Variants in SCNN1G observed in about 807,000 individuals in gnomAD.
SCNN1G encodes sodium channel epithelial 1 subunit gamma, also known as epithelial sodium channel subunit gamma.
A neutral mutation model predicts 64.6 loss-of-function variants in SCNN1G; 27 were observed. The ratio of observed to expected loss-of-function variants is 0.42; its 90% CI spans 0.31 to 0.58. The LOEUF (loss-of-function observed/expected upper bound fraction) is 0.58. SCNN1G is among the 20% of genes least tolerant of loss of function. The pLI, the probability that SCNN1G is intolerant of heterozygous loss-of-function variation, is 0.18. For missense variants in SCNN1G, 743 were observed against 823.4 expected (o/e 0.90, Z 1.19); for synonymous variants, 330 against 314.2 (o/e 1.05, Z -0.53).
chr16:23,209,487 C>T (rs1342744438), intron 6 of SCNN1G, among the ~76,000 whole-genome samples: 1 of 152,170 alleles, frequency 6.6e-6, no homozygotes, highest in Non-Finnish European at 1.5e-5. Flanking sequence ...TATTTATTTG[C>T]TTGCTGACCA....
chr16:23,201,052 T>TCTCGAACC (rs908777771), intron 6 of SCNN1G, among the ~76,000 whole-genome samples: 1 of 152,182 alleles, frequency 6.6e-6, no homozygotes, highest in African/African-American at 2.4e-5. Flanking sequence ...GGAAAAACTA[T>TCTCGAACC]CTCGAACCCT....
intron 6 of SCNN1G, among the ~76,000 whole-genome samples, chr16:23,198,710 G>C (rs1263272513): frequency 6.6e-6 from 1 of 151,908 alleles, no homozygotes; most frequent in African/African-American, 2.4e-5. Flanking sequence ...TTGCACTCCA[G>C]TCTCGGTGAC....
Position 23,211,941 on chromosome 16 carries a change from G to A in SCNN1G, c.1177-93G>A, listed in dbSNP as rs9941215. 0.2 allele frequency: 187,610 copies of A among 948,054 alleles called. 20,134 individuals carry two copies. The highest frequency in any genetic ancestry group is 0.25 in the African/African-American group (15,468 of 62,438). 58.7% of individuals were successfully genotyped at this position (948,054 alleles called of 1,614,324 possible). A position where few individuals can be genotyped will look rare whatever the true frequency, so the allele number is the denominator to read the frequency against. ...GTTCATGTGGTTGGCCAAGGTTAAG[G>A]GAGGCTGACCCCCTGGGCTGAGGGA... On this transcript the variant is annotated intron_variant, in intron 7 of 12. Transcript: ENST00000300061.
chr16:23,210,944 G>A (rs1238715699), intron 7 of SCNN1G, among the ~76,000 whole-genome samples: 1 of 152,168 alleles, frequency 6.6e-6, no homozygotes, highest in Non-Finnish European at 1.5e-5. Context: ...AGGCTGAGGA[G>A]GGAGGATCCC....
In SCNN1G at chr16:23,215,136, G is replaced by A; in HGVS notation, c.1617G>A (p.Met539Ile). 1 of 1,614,138 alleles carries A rather than the reference G, an allele frequency of 6.2e-7. No homozygotes were observed. Among genetic ancestry groups the A allele is most frequent in the South Asian group, 1.1e-5 (1 of 91,082 alleles). ...TCGGTGGCCAGCTGGGCCTGTGGATGAGCTGCTCTGTTGTCTGCGTCATCG... is the reference window on the plus strand; with the variant it reads ...TCGGTGGCCAGCTGGGCCTGTGGATAAGCTGCTCTGTTGTCTGCGTCATCG... ...SNFGGQLGLWMSCSVVCVIEI... is the reference protein window; with the variant it reads ...SNFGGQLGLWISCSVVCVIEI... The change falls in exon 13 of 13, where the codon ATG becomes ATA. Residue 539 changes from methionine (M) to isoleucine (I), a missense_variant. Met to Ile is a conservative substitution (Grantham distance 10). Transcript: ENST00000300061.
chr16:23,211,262 C>T (rs565609800), intron 7 of SCNN1G, among the ~76,000 whole-genome samples: 1 of 152,330 alleles, frequency 6.6e-6, no homozygotes, highest in East Asian at 1.9e-4. Context: ...AGTAGCCTGC[C>T]TTCAGGAACT....
At chr16:23,185,558 A>T (rs957968972) in intron 1 of SCNN1G, among the ~76,000 whole-genome samples, 1 of 152,260 alleles carries the variant, frequency 6.6e-6, no homozygotes, top group Admixed American at 6.5e-5. Flanking sequence ...CTAAGTGGCC[A>T]ATAGTTGCAG....
chr16:23,183,123 G>C (rs1282413587), intron 1 of SCNN1G, among the ~76,000 whole-genome samples: 1 of 152,260 alleles, frequency 6.6e-6, no homozygotes, highest in Non-Finnish European at 1.5e-5. Context: ...CCCCTTCCCT[G>C]CCGGGGTGAG....
chr16:23,200,462 G>T (rs1430710263), intron 6 of SCNN1G, among the ~76,000 whole-genome samples: 1 of 152,176 alleles, frequency 6.6e-6, no homozygotes, highest in African/African-American at 2.4e-5. Flanking sequence ...ATGACACAAA[G>T]TTCTAGCTAT....
intron 1 of SCNN1G, among the ~76,000 whole-genome samples, 162 bp downstream of exon 1, chr16:23,182,975 G>C (rs1005814465): frequency 6.6e-6 from 1 of 152,208 alleles, no homozygotes; most frequent in African/African-American, 2.4e-5. Flanking sequence ...CCTTGCCCGG[G>C]CGGTAGCGGC....
At chr16:23,214,812 G>T (rs753397849) in intron 12 of SCNN1G, 25 bp downstream of exon 12, 1 of 1,578,942 alleles carries the variant, frequency 6.3e-7, no homozygotes, top group Admixed American at 1.7e-5. Context: ...TTCCTTCCAG[G>T]ACCTGTCCTG....
In SCNN1G at chr16:23,216,041, A is replaced by G. The variant is rs5728; in HGVS notation, c.*572A>G. On this transcript the variant is annotated 3_prime_UTR_variant, in exon 13 of 13. Transcript: ENST00000300061. ...CTCAGGCAGCAGAGAACTGGCCCAGAGCCCTTGGAGTGTTGGTGGAGATCA... is the reference window on the plus strand; with the variant it reads ...CTCAGGCAGCAGAGAACTGGCCCAGGGCCCTTGGAGTGTTGGTGGAGATCA... 71,235 of 174,056 alleles carry G rather than the reference A, an allele frequency of 0.41. 14,991 individuals carry two copies. Among genetic ancestry groups the G allele is most frequent in the Non-Finnish European group, 0.44 (35,852 of 81,138 alleles). 10.8% of individuals were successfully genotyped at this position (174,056 alleles called of 1,614,324 possible).
intron 2 of SCNN1G, among the ~76,000 whole-genome samples, chr16:23,188,375 G>A (rs1959648497): frequency 6.6e-6 from 1 of 151,928 alleles, no homozygotes; most frequent in Non-Finnish European, 1.5e-5. Flanking sequence ...AGCCAGGTGT[G>A]ATGGCACACA....
At position 23,209,805 on chromosome 16, in the gene SCNN1G, A is replaced by G. The variant is rs1395346260; in HGVS notation, c.1133A>G (p.Asp378Gly). ...AGTCAGTGCACGGAGGACGGGAGTGACGTGCCAATCAGGAACATCTACAAC... is the reference window on the plus strand; with the variant it reads ...AGTCAGTGCACGGAGGACGGGAGTGGCGTGCCAATCAGGAACATCTACAAC... ...PYSQCTEDGS[D>G]VPIRNIYNAA... The change falls in exon 7 of 13, where the codon GAC becomes GGC. Residue 378 changes from aspartate (D) to glycine (G), a missense_variant. Coordinates refer to ENST00000300061, the MANE Select transcript of SCNN1G (RefSeq NM_001039.4). The G allele has an allele frequency of 6.2e-7, 1 of 1,614,110 alleles. No individual in the cohort carries two copies. Among genetic ancestry groups the G allele is most frequent in the South Asian group, 1.1e-5 (1 of 91,076 alleles).
At chr16:23,185,038 G>A (rs1305851205) in intron 1 of SCNN1G, among the ~76,000 whole-genome samples, 1 of 152,106 alleles carries the variant, frequency 6.6e-6, no homozygotes, top group African/African-American at 2.4e-5. Context: ...TTAGTTCTTG[G>A]TATTGTTAAT....
Position 23,192,308 on chromosome 16 carries a change from G to A in SCNN1G, c.619-44G>A, listed in dbSNP as rs369172155. 16 of 1,465,832 alleles carry A rather than the reference G, an allele frequency of 1.1e-5. No homozygotes were observed. The African/African-American group carries it at 1.1e-4, about 10-fold the overall frequency. The allele number at this position is 1,465,832 out of a possible 1,614,324, so 90.8% of individuals were successfully genotyped here. On this transcript the variant is annotated intron_variant, in intron 3 of 12. Coordinates refer to ENST00000300061, the MANE Select transcript of SCNN1G (RefSeq NM_001039.4). ...TCTTATGGTCCTTCTGAAGAGTAGC[G>A]ATAGGACCGATGGCTTCAGCCTCGC...
chr16:23,201,096 T>A (rs942605766), intron 6 of SCNN1G, among the ~76,000 whole-genome samples: 2 of 152,236 alleles, frequency 1.3e-5, no homozygotes, highest in African/African-American at 4.8e-5. Context: ...AAAAGACTTT[T>A]TTAAGAGATA....
intron 3 of SCNN1G, among the ~76,000 whole-genome samples, chr16:23,190,998 C>T (rs562316034): frequency 5.9e-5 from 9 of 152,018 alleles, no homozygotes; most frequent in Admixed American, 5.2e-4. Context: ...CATGCACCAC[C>T]ATGCTTGGCT....
At chr16:23,183,070 G>A (rs1390056940) in intron 1 of SCNN1G, among the ~76,000 whole-genome samples, 1 of 152,228 alleles carries the variant, frequency 6.6e-6, no homozygotes, top group Non-Finnish European at 1.5e-5. Flanking sequence ...TGGGGGTCCC[G>A]GGCCACACCT....
Sources: gnomAD v4.1 joint callset for allele counts (sites outside exome capture counted in the v4.1 genomes callset) on GRCh38, gnomAD v4.1.1 for gene constraint, MANE v1.5 for transcripts, NCBI Gene and HGNC (gene_info 2026-07-23, HGNC 2026-07-21) for gene names.